The following ATP10D variants were observed in gnomAD, a reference collection of about 807,000 sequenced individuals.
ATP10D encodes the protein phospholipid-transporting ATPase VD.
A neutral mutation model predicts 144.8 loss-of-function variants in ATP10D; 89 were observed. The observed-to-expected ratio is 0.61, with a 90% CI of 0.52 to 0.73. The LOEUF (loss-of-function observed/expected upper bound fraction) is 0.73. Ranked by LOEUF, ATP10D falls within the 30% of genes least tolerant of loss-of-function variation. The pLI is 0.00. For synonymous variants in ATP10D, 571 were observed against 615.1 expected, an observed-to-expected ratio of 0.93 and a Z score of 1.06; for missense variants, 1,603 against 1,714.8, an observed-to-expected ratio of 0.93 and a Z score of 1.15.
intron 13 of ATP10D, 109 bp from the exon 14 acceptor site, chr4:47,560,840 G>A (rs1719257689): frequency 7.4e-7 from 1 of 1,360,466 alleles, no homozygotes. Context: ...CCCAGAGGGA[G>A]GAATATGTAA....
intron 10 of ATP10D, among the ~76,000 whole-genome samples, chr4:47,552,950 C>T (rs1718797008): frequency 6.6e-6 from 1 of 152,174 alleles, no homozygotes; most frequent in Admixed American, 6.5e-5. Flanking sequence ...CTTGTTTAAA[C>T]TTTTCTTAAA....
chr4:47,577,018 T>A, intron 19 of ATP10D, 45 bp downstream of exon 19: 3 of 1,541,390 alleles, frequency 1.9e-6, no homozygotes, highest in Non-Finnish European at 2.7e-6. Flanking sequence ...ATATCCATTG[T>A]CAAAGCCAGT....
At chr4:47,509,086 T>G (rs1716175075) in intron 1 of ATP10D, among the ~76,000 whole-genome samples, 1 of 152,142 alleles carries the variant, frequency 6.6e-6, no homozygotes, top group South Asian at 2.1e-4. Context: ...AGAGAAAGAG[T>G]GAAAGGCTCT....
chr4:47,489,041 T>C (rs774342928), intron 1 of ATP10D, among the ~76,000 whole-genome samples: 4 of 152,188 alleles, frequency 2.6e-5, no homozygotes, highest in Non-Finnish European at 4.4e-5. Context: ...TTATGGTAAT[T>C]TGTTATAGCA....
intron 1 of ATP10D, among the ~76,000 whole-genome samples, chr4:47,506,754 T>C (rs1716039249): frequency 1.3e-5 from 2 of 152,280 alleles, no homozygotes; most frequent in Admixed American, 1.3e-4. Context: ...TTTTACAAAG[T>C]TTGTTTTTGT....
chr4:47,536,103 A>G (rs1717834116), intron 7 of ATP10D, 70 bp downstream of exon 7: 2 of 1,516,540 alleles, frequency 1.3e-6, no homozygotes, highest in Non-Finnish European at 1.8e-6. Context: ...TCAAAATTAT[A>G]TCTGTGAATA....
At chr4:47,495,232 G>A (rs1489197874) in intron 1 of ATP10D, among the ~76,000 whole-genome samples, 1 of 151,850 alleles carries the variant, frequency 6.6e-6, no homozygotes, top group Non-Finnish European at 1.5e-5. Context: ...TAGTATGTAC[G>A]CATCTTACCC....
Position 47,523,068 on chromosome 4 carries a change from T to C in ATP10D, c.542T>C (p.Ile181Thr). The C allele has an allele frequency of 6.2e-7, 1 of 1,614,068 alleles. No individual in the cohort carries two copies. Among genetic ancestry groups the C allele is most frequent in the Non-Finnish European group, 8.5e-7 (1 of 1,179,970 alleles). The change falls in exon 4 of 23, where the codon ATT (isoleucine) becomes ACT (threonine). Residue 181 changes from isoleucine (I) to threonine (T), a missense_variant. Transcript: ENST00000273859. The stretch of plus-strand genomic sequence containing the variant: ...AAAGACGTTACTGTTGGGGACTTTA[T>C]TCGCCTCTCCTGCAACGAGGTCATC... The part of the protein sequence containing the change: ...CWKDVTVGDF[I>T]RLSCNEVIPA...
chr4:47,562,851 A>G (rs1022270160), intron 14 of ATP10D, among the ~76,000 whole-genome samples: 4 of 152,180 alleles, frequency 2.6e-5, no homozygotes, highest in African/African-American at 7.2e-5. Context: ...ATATACACAC[A>G]CACACACATA....
intron 2 of ATP10D, among the ~76,000 whole-genome samples, chr4:47,514,740 C>T (rs931436391): frequency 6.6e-6 from 1 of 152,034 alleles, no homozygotes; most frequent in Admixed American, 6.5e-5. Flanking sequence ...CTTTTCTACT[C>T]AATTTTGAGG....
At position 47,563,585 on chromosome 4, in the gene ATP10D, T is replaced by A. The variant is rs777406094; in HGVS notation, c.2673T>A (p.Ala891=). The A allele has an allele frequency of 6.2e-7, 1 of 1,604,210 alleles. No individual in the cohort carries two copies. Among genetic ancestry groups the A allele is most frequent in the Non-Finnish European group, 8.5e-7 (1 of 1,176,984 alleles). The part of the protein sequence containing the change: ...RLENKLTLLG[A]TGIEDRLQEG... ...TGCACTTTGGTTATTTTTTAGGTGCTACTGGCATTGAAGACCGTCTGCAGG... is the reference window on the plus strand; with the variant it reads ...TGCACTTTGGTTATTTTTTAGGTGCAACTGGCATTGAAGACCGTCTGCAGG... Residue 891 remains alanine (A), a synonymous_variant, in exon 15 of 23, where the codon GCT becomes GCA. Coordinates refer to ENST00000273859, the MANE Select transcript of ATP10D (RefSeq NM_020453.4).
intron 4 of ATP10D, among the ~76,000 whole-genome samples, chr4:47,523,528 T>C (rs769045046): frequency 2.0e-4 from 30 of 152,260 alleles, no homozygotes; most frequent in Non-Finnish European, 3.8e-4. Context: ...TCATTATTTC[T>C]AAAATCTGTA....
At chr4:47,521,807 T>A (rs1716958544) in intron 3 of ATP10D, among the ~76,000 whole-genome samples, 1 of 152,182 alleles carries the variant, frequency 6.6e-6, no homozygotes, top group South Asian at 2.1e-4. Flanking sequence ...AAATAAACTG[T>A]TGATTTGCCT....
intron 14 of ATP10D, 65 bp from the exon 15 acceptor site, chr4:47,563,516 G>C (rs113689224): frequency 7.1e-5 from 100 of 1,404,576 alleles, no homozygotes; most frequent in Non-Finnish European, 8.9e-5. Flanking sequence ...TTCAACTGTA[G>C]ACTAGCTGAG....
intron 1 of ATP10D, among the ~76,000 whole-genome samples, chr4:47,493,947 C>G (rs960050253): frequency 1.3e-5 from 2 of 152,122 alleles, no homozygotes; most frequent in African/African-American, 2.4e-5. Flanking sequence ...AGGTAGGTAT[C>G]TGACTTAAAA....
chr4:47,552,338 T>G (rs73237098), intron 10 of ATP10D, among the ~76,000 whole-genome samples: 19,989 of 152,244 alleles, frequency 0.13, 1,656 homozygotes, highest in Non-Finnish European at 0.19. Flanking sequence ...ATAAACTGGG[T>G]AGCTTAGAAA....
At chr4:47,485,730 A>C (rs1360539848) in intron 1 of ATP10D, among the ~76,000 whole-genome samples, 1 of 152,138 alleles carries the variant, frequency 6.6e-6, no homozygotes, top group African/African-American at 2.4e-5. Context: ...CACCATTTTC[A>C]ATCATTTGTT....
chr4:47,487,851 G>C (rs946216730), intron 1 of ATP10D, among the ~76,000 whole-genome samples: 1 of 152,068 alleles, frequency 6.6e-6, no homozygotes, highest in Non-Finnish European at 1.5e-5. Flanking sequence ...ATTAAAACCT[G>C]TGAATGTTGG....
In ATP10D at chr4:47,592,645, T is replaced by C. The variant is rs1345117600; in HGVS notation, c.*1264T>C. 6.6e-6 allele frequency: 1 copy of C among 152,576 alleles called. No individual in the cohort carries two copies. The highest frequency in any genetic ancestry group is 1.5e-5 in the Non-Finnish European group (1 of 68,000). 9.5% of individuals were successfully genotyped at this position (152,576 alleles called of 1,614,324 possible). ...CCAGAATTTCCTTCCTGAATCTCCA[T>C]GCTCATATGCAATGTCTACATCAAG... On this transcript the variant is annotated 3_prime_UTR_variant, in exon 23 of 23. Coordinates refer to ENST00000273859, the MANE Select transcript of ATP10D (RefSeq NM_020453.4).
Sources: allele counts gnomAD v4.1 joint callset (sites outside exome capture counted in the v4.1 genomes callset), GRCh38; gene constraint gnomAD v4.1.1; transcripts MANE v1.5; gene names NCBI Gene and HGNC (gene_info 2026-07-23, HGNC 2026-07-21).